TRPM3: variants seen among roughly 807,000 people sequenced by gnomAD.
TRPM3 encodes the protein transient receptor potential cation channel subfamily M member 3.
Under a neutral mutation model 181.2 loss-of-function variants are expected in TRPM3, and 77 were observed. That is an observed-to-expected ratio of 0.42 (90% confidence interval 0.35 to 0.51). The LOEUF (loss-of-function observed/expected upper bound fraction) is 0.51. TRPM3 is among the 20% of genes least tolerant of loss of function. The pLI, the probability that TRPM3 is intolerant of heterozygous loss-of-function variation, is 0.01. For synonymous variants in TRPM3, 745 were observed against 796.4 expected (o/e 0.94, Z 1.09); for missense variants, 1,759 against 2,196.7 (o/e 0.80, Z 3.98).
At chr9:71,396,550 T>C (rs1360475958) in intron 1 of TRPM3, among the ~76,000 whole-genome samples, 2 of 152,044 alleles carry the variant, frequency 1.3e-5, no homozygotes. Flanking sequence ...GTCATCCTAT[T>C]ACACTCTTAC....
chr9:71,104,091 T>G (rs1006146410), intron 1 of TRPM3, among the ~76,000 whole-genome samples: 6 of 152,142 alleles, frequency 3.9e-5, no homozygotes, highest in Non-Finnish European at 5.9e-5. Flanking sequence ...ATTTTGCATT[T>G]TTTTAGTAGA....
At chr9:70,569,505 G>A (rs2051627844) in intron 22 of TRPM3, among the ~76,000 whole-genome samples, 3 of 152,122 alleles carry the variant, frequency 2.0e-5, no homozygotes, top group Admixed American at 6.5e-5. Context: ...TTATATTGAC[G>A]GTTGCCATGG....
At chr9:70,675,611 C>T (rs1343108147) in intron 9 of TRPM3, among the ~76,000 whole-genome samples, 1 of 152,084 alleles carries the variant, frequency 6.6e-6, no homozygotes, top group Admixed American at 6.6e-5. Context: ...TGATTTCATA[C>T]AGTTTTTTTA....
At chr9:70,912,342 G>C (rs1296054422) in intron 1 of TRPM3, among the ~76,000 whole-genome samples, 1 of 152,084 alleles carries the variant, frequency 6.6e-6, no homozygotes, top group African/African-American at 2.4e-5. Flanking sequence ...AAAAATTGCA[G>C]AACAAAACAG....
chr9:70,890,422 T>A (rs566582280), intron 1 of TRPM3, among the ~76,000 whole-genome samples: 1 of 151,996 alleles, frequency 6.6e-6, no homozygotes, highest in Admixed American at 6.6e-5. Flanking sequence ...AAAATTGATA[T>A]AAGAAAAACT....
chr9:70,607,209 T>TCCTA (rs1248830140), intron 19 of TRPM3, among the ~76,000 whole-genome samples: 5 of 152,180 alleles, frequency 3.3e-5, no homozygotes, highest in African/African-American at 1.2e-4. Flanking sequence ...ATGAAGTGTG[T>TCCTA]CCTACCTTTC....
intron 1 of TRPM3, among the ~76,000 whole-genome samples, chr9:71,047,754 C>T (rs2133096714): frequency 6.6e-6 from 1 of 151,142 alleles, no homozygotes; most frequent in African/African-American, 2.4e-5. Flanking sequence ...TAAGTAGGTA[C>T]ATATGCAATT....
chr9:70,601,655 T>C (rs2059990655), intron 20 of TRPM3, among the ~76,000 whole-genome samples: 2 of 152,198 alleles, frequency 1.3e-5, no homozygotes, highest in South Asian at 4.1e-4. Context: ...GACCCCTTCC[T>C]GACTCCAGCC....
chr9:70,659,693 C>T (rs185364921), intron 9 of TRPM3, among the ~76,000 whole-genome samples: 171 of 152,220 alleles, frequency 1.1e-3, no homozygotes, highest in African/African-American at 4.0e-3. Flanking sequence ...TTATTTTCTA[C>T]AATTTGGACT....
chr9:71,058,615 T>C (rs1374057189), intron 1 of TRPM3, among the ~76,000 whole-genome samples: 1 of 152,052 alleles, frequency 6.6e-6, no homozygotes, highest in Non-Finnish European at 1.5e-5. Context: ...GCTTTTCAAA[T>C]TTCTAGAGTC....
At chr9:70,748,219 C>A (rs563015667) in intron 8 of TRPM3, among the ~76,000 whole-genome samples, 2 of 152,222 alleles carry the variant, frequency 1.3e-5, no homozygotes, top group Admixed American at 6.5e-5. Flanking sequence ...GGCCTAATAT[C>A]TTTGCTTCCA....
intron 9 of TRPM3, among the ~76,000 whole-genome samples, chr9:70,680,157 T>G (rs569171878): frequency 1.3e-5 from 2 of 152,198 alleles, no homozygotes; most frequent in Admixed American, 6.5e-5. Context: ...CATGGTATAG[T>G]GAAGAGTTAG....
chr9:70,635,276 G>A lies in TRPM3; in HGVS notation c.1582-15C>T, dbSNP rs1250647317. The A allele has an allele frequency of 6.2e-7, 1 of 1,613,304 alleles. No individual in the cohort carries two copies. The highest frequency in any genetic ancestry group is 1.7e-5 in the Admixed American group (1 of 59,950). ...GGCCCATGTCTCTGAAAACAATAAA[G>A]AAGAATCAAACAGTTTTGCTAGTCA... On this transcript the variant is annotated splice_polypyrimidine_tract_variant and intron_variant, in intron 11 of 25. Transcript: ENST00000677713.
At chr9:70,626,176 C>T (rs116768475) in intron 12 of TRPM3, among the ~76,000 whole-genome samples, 2,249 of 152,254 alleles carry the variant, frequency 0.015, 57 homozygotes, top group African/African-American at 0.051. Flanking sequence ...TTACTCACTA[C>T]TGCTTTCTAC....
chr9:70,925,529 TG>T lies in TRPM3; in HGVS notation c.178-61019del, dbSNP rs201252940. ...TCATGGAACAAATGTTGGTAGAATA[TG>T]GAAAAAAATATATATATATATCCTC... On this transcript the variant is annotated intron_variant, in intron 1 of 25. Transcript: ENST00000677713. Among the ~76,000 whole-genome samples the T allele has an allele frequency of 2.5e-3, 372 of 151,830 alleles. 1 individual carries two copies. The highest frequency in any genetic ancestry group is 8.4e-3 in the African/African-American group (346 of 41,310).
chr9:70,787,763 C>CTTTTTTTTTTTTTTTTTTTTCTT (rs2084054300), intron 6 of TRPM3, among the ~76,000 whole-genome samples: 3 of 68,560 alleles, frequency 4.4e-5, no homozygotes, highest in African/African-American at 1.7e-4. Context: ...TTTTTGGATT[C>CTTTTTTTTTTTTTTTTTTTTCTT]TTTTTTTTTT....
chr9:70,609,967 C>CCATATCAGGAGGTCGT (rs2061763276), intron 19 of TRPM3, among the ~76,000 whole-genome samples: 1 of 152,060 alleles, frequency 6.6e-6, no homozygotes, highest in African/African-American at 2.4e-5. Flanking sequence ...ACAATTTCTA[C>CCATATCAGGAGGTCGT]CATATCAGGA....
At chr9:70,889,052 T>C (rs1156795030) in intron 1 of TRPM3, among the ~76,000 whole-genome samples, 2 of 152,102 alleles carry the variant, frequency 1.3e-5, no homozygotes, top group Non-Finnish European at 2.9e-5. Flanking sequence ...AACTAGAGAA[T>C]GTTCAAAGCT....
chr9:70,800,119 C>G (rs193258084), intron 6 of TRPM3, among the ~76,000 whole-genome samples: 1 of 152,122 alleles, frequency 6.6e-6, no homozygotes. Context: ...ATGACTTTCT[C>G]TGAAAGACAA....
Sources: gnomAD v4.1 joint callset for allele counts (sites outside exome capture counted in the v4.1 genomes callset) on GRCh38, gnomAD v4.1.1 for gene constraint, MANE v1.5 for transcripts, NCBI Gene and HGNC (gene_info 2026-07-23, HGNC 2026-07-21) for gene names.